LRRC45: variants seen among roughly 807,000 people sequenced by gnomAD.
LRRC45 encodes the protein leucine rich repeat containing 45.
A neutral mutation model predicts 85.4 loss-of-function variants in LRRC45; 73 were observed. The ratio of observed to expected loss-of-function variants is 0.85; its 90% confidence interval spans 0.71 to 1.04. The LOEUF (loss-of-function observed/expected upper bound fraction) is 1.04, where lower values mean the gene tolerates loss of function less well. Ranked by LOEUF, LRRC45 falls within the 50% of genes least tolerant of loss-of-function variation. LRRC45 has a pLI of 0.00. For synonymous variants in LRRC45, 429 were observed against 386.0 expected (o/e 1.11, Z -1.31); for missense variants, 937 against 883.3 (o/e 1.06, Z -0.77).
chr17:82,024,264 C>A lies in LRRC45; in HGVS notation c.221-14C>A. 1 of 1,610,758 alleles carries A rather than the reference C, an allele frequency of 6.2e-7. No individual in the cohort carries two copies. Among genetic ancestry groups the A allele is most frequent in the East Asian group, 2.2e-5 (1 of 44,868 alleles). ...AGCAGGGGCAGAGAGTGACCGCCGG[C>A]CCCCCTTACACAGGGGCCACACTGC... On this transcript the variant is annotated splice_polypyrimidine_tract_variant and intron_variant, in intron 1 of 16. Coordinates refer to ENST00000306688, the MANE Select transcript of LRRC45 (RefSeq NM_144999.4).
At chr17:82,024,585 G>A in intron 2 of LRRC45, 108 bp from the exon 3 acceptor site, 3 of 1,299,194 alleles carry the variant, frequency 2.3e-6, no homozygotes, top group Non-Finnish European at 3.2e-6. Context: ...GAAGGCTGCA[G>A]GGTGCACCCC....
At chr17:82,027,843 G>A in intron 8 of LRRC45, 92 bp downstream of exon 8, 1 of 1,535,526 alleles carries the variant, frequency 6.5e-7, no homozygotes, top group Non-Finnish European at 8.9e-7. Context: ...TGTTTGCAAA[G>A]CAGAGGTGGG....
At chr17:82,027,352 G>A (rs1313105743) in intron 6 of LRRC45, 34 bp from the exon 7 acceptor site, 12 of 1,611,544 alleles carry the variant, frequency 7.4e-6, no homozygotes, top group Middle Eastern at 1.7e-4. Flanking sequence ...GGCTGCAGGT[G>A]CCCTGACAGG....
chr17:82,027,950 G>C, intron 8 of LRRC45, 61 bp from the exon 9 acceptor site: 1 of 1,549,832 alleles, frequency 6.5e-7, no homozygotes, highest in South Asian at 1.2e-5. Flanking sequence ...AAAGCAGCGA[G>C]GCCTTTATAA....
At chr17:82,029,957 C>G in intron 14 of LRRC45, 108 bp from the exon 15 acceptor site, 2 of 1,349,702 alleles carry the variant, frequency 1.5e-6, no homozygotes, top group Non-Finnish European at 9.8e-7. Context: ...GTCATAGTAA[C>G]TAGAGCAGCC....
At position 82,027,655 on chromosome 17, in the gene LRRC45, C is replaced by G. The variant is rs1338322562; in HGVS notation, c.834-19C>G. 1.2e-6 allele frequency: 2 copies of G among 1,605,448 alleles called. No homozygotes were observed. Among genetic ancestry groups the G allele is most frequent in the South Asian group, 1.1e-5 (1 of 90,180 alleles). ...TCTGGGGTTTGGGTTACTCTCTGCA[C>G]CCTCCTCTCTGCCCACAGGGCGTCG... On this transcript the variant is annotated intron_variant, in intron 7 of 16. Transcript: ENST00000306688.
Position 82,025,476 on chromosome 17 carries a change from C to CT in LRRC45, c.630_631insT (p.Asn211Ter). The CT allele has an allele frequency of 6.2e-7, 1 of 1,609,344 alleles. No homozygotes were observed. Among genetic ancestry groups the CT allele is most frequent in the Non-Finnish European group, 8.5e-7 (1 of 1,177,910 alleles). On this transcript the variant is annotated frameshift_variant, in exon 5 of 17. Transcript: ENST00000306688. LOFTEE classifies it high-confidence loss of function. The stretch of plus-strand genomic sequence containing the variant: ...TGTGGAGACTGGACCTGGCTGGGAA[C>CT]AACATCCCTGGAGACGTCCTCAGAG...
In LRRC45 at chr17:82,027,460, G is replaced by T. The variant is rs775741951; in HGVS notation, c.833+16G>T. 41 of 1,612,446 alleles carry T rather than the reference G, an allele frequency of 2.5e-5. No homozygotes were observed. The South Asian group carries it at 4.5e-4, about 18-fold the overall frequency. ...AGAGCAGCAGGTGAGCGGGCCCAGGGCAGGGGCAGGGTGAGGCTTCAGGGA... is the reference window on the plus strand; with the variant it reads ...AGAGCAGCAGGTGAGCGGGCCCAGGTCAGGGGCAGGGTGAGGCTTCAGGGA... On this transcript the variant is annotated intron_variant, in intron 7 of 16. Transcript: ENST00000306688.
intron 1 of LRRC45, 57 bp from the exon 2 acceptor site, chr17:82,024,221 G>C (rs73999342): frequency 6.3e-7 from 1 of 1,585,316 alleles, no homozygotes; most frequent in Non-Finnish European, 8.6e-7. Flanking sequence ...AGGGGCCCAC[G>C]GGGAGGGCCT....
chr17:82,024,366 CGAGT>C, intron 2 of LRRC45, 27 bp downstream of exon 2: 2 of 1,611,126 alleles, frequency 1.2e-6, no homozygotes, highest in Non-Finnish European at 1.7e-6. Context: ...CTTGAGTGTC[CGAGT>C]GTGCCACCCA....
Position 82,024,736 on chromosome 17 carries a change from TCC to T in LRRC45, c.327_328del (p.Leu110ProfsTer73). The T allele has an allele frequency of 6.3e-7, 1 of 1,577,898 alleles. No individual in the cohort carries two copies. Among genetic ancestry groups the T allele is most frequent in the Non-Finnish European group, 8.6e-7 (1 of 1,166,188 alleles). On this transcript the variant is annotated frameshift_variant, in exon 3 of 17. Transcript: ENST00000306688. LOFTEE classifies it high-confidence loss of function. ...GCAGGGGCCGAGGCTCTGGGAAAAC[TCC>T]TCCAACAGAACAAGTCCATTCAGAG... is the stretch of plus-strand genomic sequence containing the variant.
rs1335312303 is a variant in LRRC45, at chr17:82,030,109, G to A, written c.1539G>A (p.Ala513=). 4 of 1,547,062 alleles carry A rather than the reference G, an allele frequency of 2.6e-6. No homozygotes were observed. The highest frequency in any genetic ancestry group is 2.7e-5 in the African/African-American group (2 of 73,086). ...TGGAGGACAAGCTGAGACTGCTGGCGCAGGCACGGGACGAGGCGCAGGGCG... is the reference window on the plus strand; with the variant it reads ...TGGAGGACAAGCTGAGACTGCTGGCACAGGCACGGGACGAGGCGCAGGGCG... ...AHLEDKLRLL[A]QARDEAQGAC... The change falls in exon 15 of 17, where the codon GCG becomes GCA. Residue 513 remains alanine, a synonymous_variant. Transcript: ENST00000306688.
chr17:82,024,887 G>T lies in LRRC45; in HGVS notation c.354-113G>T, dbSNP rs1318305338. Reference sequence around the variant, plus strand: ...CCCATGTTTCACATACGTTGGCAGGGGTAGGCAGAGGCTCCGGCCCATCAG... The same window carrying T: ...CCCATGTTTCACATACGTTGGCAGGTGTAGGCAGAGGCTCCGGCCCATCAG... On this transcript the variant is annotated intron_variant, in intron 3 of 16. Transcript: ENST00000306688. The T allele has an allele frequency of 4.2e-6, 6 of 1,435,848 alleles. No individual in the cohort carries two copies. The African/African-American group carries it at 8.6e-5, about 21-fold the overall frequency. The allele number at this position is 1,435,848 out of a possible 1,614,324, so 88.9% of individuals were successfully genotyped here.
In LRRC45 at chr17:82,023,559, C is replaced by G. The variant is rs764245838; in HGVS notation, c.-85C>G. On this transcript the variant is annotated 5_prime_UTR_variant, in exon 1 of 17. Transcript: ENST00000306688. ...CGGCGGAGGCCCCGTCTCCTGTACCCGGCGCTGGGACTGCTCCGCACCGCG... is the reference window on the plus strand; with the variant it reads ...CGGCGGAGGCCCCGTCTCCTGTACCGGGCGCTGGGACTGCTCCGCACCGCG... 1 of 1,262,480 alleles carries G rather than the reference C, an allele frequency of 7.9e-7. No individual in the cohort carries two copies. The highest frequency in any genetic ancestry group is 1.1e-6 in the Non-Finnish European group (1 of 945,508). The allele number at this position is 1,262,480 out of a possible 1,614,324, so 78.2% of individuals were successfully genotyped here. A position where few individuals can be genotyped will look rare whatever the true frequency, so the allele number is the denominator to read the frequency against.
chr17:82,028,973 GCT>G, intron 12 of LRRC45, 118 bp from the exon 13 acceptor site: 1 of 916,988 alleles, frequency 1.1e-6, no homozygotes. Context: ...CTGAGGCAGT[GCT>G]TTCTCAGAAT....
At chr17:82,028,941 C>T (rs367929197) in intron 12 of LRRC45, 152 bp from the exon 13 acceptor site, 30 of 742,596 alleles carry the variant, frequency 4.0e-5, no homozygotes, top group East Asian at 5.4e-5. Flanking sequence ...GTGCATGCTG[C>T]GGTAGTTTCC....
In LRRC45 at chr17:82,025,198, C is replaced by A; in HGVS notation, c.532+20C>A. Reference sequence around the variant, plus strand: ...AGCTGGGTGAGGCCTCCCAGGCGCCCTCAGGCTCCCTCATCCCTCTGAGGC... The same window carrying A: ...AGCTGGGTGAGGCCTCCCAGGCGCCATCAGGCTCCCTCATCCCTCTGAGGC... On this transcript the variant is annotated intron_variant, in intron 4 of 16. Coordinates refer to ENST00000306688, the MANE Select transcript of LRRC45 (RefSeq NM_144999.4). 6.4e-7 allele frequency: 1 copy of A among 1,568,912 alleles called. No individual in the cohort carries two copies. The highest frequency in any genetic ancestry group is 1.2e-5 in the South Asian group (1 of 84,692).
At chr17:82,024,128 C>T (rs1438510112) in intron 1 of LRRC45, 150 bp from the exon 2 acceptor site, 1 of 934,986 alleles carries the variant, frequency 1.1e-6, no homozygotes, top group Non-Finnish European at 1.6e-6. Context: ...TCAAACATGA[C>T]TTCGCAGCGA....
intron 12 of LRRC45, 168 bp downstream of exon 12, chr17:82,028,851 G>A: frequency 1.2e-6 from 1 of 834,776 alleles, no homozygotes; most frequent in Non-Finnish European, 1.9e-6. Context: ...CCTATTGGGG[G>A]CGGCGGGGGG....
Sources: gnomAD v4.1 joint callset for allele counts on GRCh38, gnomAD v4.1.1 for gene constraint, MANE v1.5 for transcripts, NCBI Gene and HGNC (gene_info 2026-07-23, HGNC 2026-07-21) for gene names.